DTWD2: variants seen among roughly 807,000 people sequenced by gnomAD.
DTWD2 encodes DTW motif tRNA-uridine aminocarboxypropyltransferase 2, also known as tRNA-uridine aminocarboxypropyltransferase 2.
Under a neutral mutation model 31.8 loss-of-function variants are expected in DTWD2, and 39 were observed. The observed-to-expected ratio is 1.22, with a 90% CI of 0.95 to 1.60. The LOEUF (loss-of-function observed/expected upper bound fraction) is 1.60, where lower values mean the gene tolerates loss of function less well. Ranked by LOEUF, DTWD2 falls within the 40% of genes most tolerant of loss-of-function variation. DTWD2 has a pLI of 0.00. For synonymous variants in DTWD2, 180 were observed against 142.8 expected (o/e 1.26, Z -1.86); for missense variants, 515 against 381.5 (o/e 1.35, Z -2.92).
In DTWD2 at chr5:118,895,168, G is replaced by C. The variant is rs112412795; in HGVS notation, c.597+33369C>G. Among the ~76,000 whole-genome samples, 874 of 152,198 alleles carry C rather than the reference G, an allele frequency of 5.7e-3. 10 individuals are homozygous for C. The highest frequency in any genetic ancestry group is 0.02 in the African/African-American group (827 of 41,538). ...ATTGATACATTAAGTAAAGTTGCAAGATGGGTACAAAATCAACACGCAAAA... is the reference window on the plus strand; with the variant it reads ...ATTGATACATTAAGTAAAGTTGCAACATGGGTACAAAATCAACACGCAAAA... On this transcript the variant is annotated intron_variant, in intron 4 of 5. Transcript: ENST00000510708.
intron 1 of DTWD2, among the ~76,000 whole-genome samples, chr5:118,977,875 G>A (rs1424279817): frequency 1.3e-5 from 2 of 152,064 alleles, no homozygotes; most frequent in Non-Finnish European, 2.9e-5. Context: ...AAATAGCCAA[G>A]ACAATCCTAA....
At chr5:118,888,496 A>C (rs1752914099) in intron 4 of DTWD2, among the ~76,000 whole-genome samples, 1 of 152,150 alleles carries the variant, frequency 6.6e-6, no homozygotes, top group East Asian at 1.9e-4. Context: ...CTGTTTATCC[A>C]TGCACCTATT....
chr5:118,902,299 A>T (rs1454598773), intron 4 of DTWD2, among the ~76,000 whole-genome samples: 1 of 152,154 alleles, frequency 6.6e-6, no homozygotes, highest in Non-Finnish European at 1.5e-5. Flanking sequence ...AAACTCAATA[A>T]ATATGTATAG....
chr5:118,862,677 T>A (rs1258808992), intron 4 of DTWD2, among the ~76,000 whole-genome samples: 1 of 152,208 alleles, frequency 6.6e-6, no homozygotes, highest in South Asian at 2.1e-4. Flanking sequence ...TTTCTACCTA[T>A]CATTTACCCA....
Position 118,988,465 on chromosome 5 carries a change from C to A in DTWD2, c.47G>T (p.Arg16Leu), listed in dbSNP as rs368659961. ...EARTLQEPVA[R>L]PSGASSSQTP... is the part of the protein sequence containing the mutation. Reference sequence around the variant, plus strand: ...CTGAGAGCTTGAGGCCCCAGAAGGCCGCGCAACGGGCTCCTGGAGTGTTCG... The same window carrying A: ...CTGAGAGCTTGAGGCCCCAGAAGGCAGCGCAACGGGCTCCTGGAGTGTTCG... Residue 16 changes from arginine to leucine, a missense_variant, in exon 1 of 6, where the codon CGG (arginine) becomes CTG (leucine). Transcript: ENST00000510708. 8.1e-6 allele frequency: 13 copies of A among 1,605,594 alleles called. No homozygotes were observed. The highest frequency in any genetic ancestry group is 1.0e-5 in the Non-Finnish European group (12 of 1,177,700).
At chr5:118,956,317 T>C (rs1580435898) in intron 1 of DTWD2, among the ~76,000 whole-genome samples, 1 of 152,376 alleles carries the variant, frequency 6.6e-6, no homozygotes, top group East Asian at 1.9e-4. Flanking sequence ...AATTACATTC[T>C]TAAAATATAA....
At chr5:118,847,973 A>G in intron 5 of DTWD2, 117 bp downstream of exon 5, 3 of 1,165,436 alleles carry the variant, frequency 2.6e-6, no homozygotes, top group Non-Finnish European at 3.5e-6. Context: ...ATAAATTTCT[A>G]ACACAGAAGA....
At chr5:118,950,458 T>C (rs1206159600) in intron 1 of DTWD2, among the ~76,000 whole-genome samples, 1 of 152,096 alleles carries the variant, frequency 6.6e-6, no homozygotes. Flanking sequence ...TTTGAGGCAA[T>C]CAGGCAGTGT....
At chr5:118,911,928 T>A (rs956568733) in intron 4 of DTWD2, among the ~76,000 whole-genome samples, 12 of 152,174 alleles carry the variant, frequency 7.9e-5, no homozygotes, top group African/African-American at 2.4e-4. Context: ...CCACACAAAG[T>A]ACCAAAACAA....
chr5:118,952,334 T>G (rs1754485477), intron 1 of DTWD2, among the ~76,000 whole-genome samples: 1 of 152,068 alleles, frequency 6.6e-6, no homozygotes, highest in African/African-American at 2.4e-5. Context: ...GTGTGAGCAA[T>G]AAAGCTTTTT....
At chr5:118,904,360 AT>A (rs1753279884) in intron 4 of DTWD2, among the ~76,000 whole-genome samples, 1 of 152,176 alleles carries the variant, frequency 6.6e-6, no homozygotes, top group African/African-American at 2.4e-5. Flanking sequence ...GTGTATTATC[AT>A]ACTTATATAC....
chr5:118,930,650 A>T (rs1210144331), intron 3 of DTWD2, among the ~76,000 whole-genome samples: 1 of 152,246 alleles, frequency 6.6e-6, no homozygotes, highest in East Asian at 1.9e-4. Flanking sequence ...CCTATTATTT[A>T]ACCACAAAAA....
intron 5 of DTWD2, among the ~76,000 whole-genome samples, chr5:118,845,167 AAAGAAAAGTG>A (rs924377758): frequency 2.6e-5 from 4 of 152,172 alleles, no homozygotes; most frequent in African/African-American, 9.6e-5. Flanking sequence ...GAAAAAAGAA[AAAGAAAAGTG>A]AAGGAAAGTG....
intron 1 of DTWD2, among the ~76,000 whole-genome samples, chr5:118,958,024 AT>A (rs1294423877): frequency 4.6e-5 from 7 of 152,114 alleles, no homozygotes; most frequent in East Asian, 1.9e-4. Context: ...ATGCACCCTA[AT>A]TTTTTTAAAT....
At chr5:118,968,791 AG>A (rs1279076903) in intron 1 of DTWD2, among the ~76,000 whole-genome samples, 1 of 152,178 alleles carries the variant, frequency 6.6e-6, no homozygotes, top group Non-Finnish European at 1.5e-5. Flanking sequence ...GCCTTCCCCT[AG>A]GAAGGGGGCT....
At position 118,973,664 on chromosome 5, in the gene DTWD2, T is replaced by G. The variant is rs62374091; in HGVS notation, c.218+14630A>C. 6.9e-6 allele frequency: 5 copies of G among 726,176 alleles called. No individual in the cohort carries two copies. The Admixed American group carries it at 8.9e-5, about 13-fold the overall frequency. 45.0% of individuals were successfully genotyped at this position (726,176 alleles called of 1,614,324 possible). ...GGCAGCCTCCTTGCTCGCGGCAGCC[T>G]CCTTGCTCGCCGCAGCCGCCTCCGC... On this transcript the variant is annotated intron_variant, in intron 1 of 5. Coordinates refer to ENST00000510708, the MANE Select transcript of DTWD2 (RefSeq NM_173666.4).
chr5:118,873,472 G>A (rs759833565), intron 4 of DTWD2, among the ~76,000 whole-genome samples: 13 of 152,178 alleles, frequency 8.5e-5, no homozygotes, highest in South Asian at 2.1e-4. Context: ...TCAGCAGGGC[G>A]GCTCCTACAG....
intron 4 of DTWD2, among the ~76,000 whole-genome samples, chr5:118,898,123 C>T (rs973945915): frequency 2.0e-4 from 31 of 152,100 alleles, no homozygotes; most frequent in African/African-American, 7.5e-4. Context: ...CCTTGACCTC[C>T]CAAAGTGCTG....
intron 4 of DTWD2, among the ~76,000 whole-genome samples, chr5:118,880,459 G>C (rs540381895): frequency 2.1e-4 from 32 of 152,002 alleles, no homozygotes; most frequent in African/African-American, 7.7e-4. Context: ...TTAGATTCTG[G>C]GCACAACAAA....
Sources: gnomAD v4.1 joint callset for allele counts (sites outside exome capture counted in the v4.1 genomes callset) on GRCh38, gnomAD v4.1.1 for gene constraint, MANE v1.5 for transcripts, NCBI Gene and HGNC (gene_info 2026-07-23, HGNC 2026-07-21) for gene names.